The following AKT3 variants were observed in gnomAD, a reference collection of about 807,000 sequenced individuals.
AKT3 encodes the protein RAC-gamma serine/threonine-protein kinase.
In AKT3, 15 loss-of-function variants were observed where a neutral mutation model predicts 65.3. That is an observed-to-expected ratio of 0.23 (90% confidence interval 0.15 to 0.35). The LOEUF (loss-of-function observed/expected upper bound fraction) is 0.35. Among genes scored for constraint, AKT3 ranks in the 10% least tolerant of loss-of-function variants. The pLI, the probability that AKT3 is intolerant of heterozygous loss-of-function variation, is 1.00. For synonymous variants in AKT3, 206 were observed against 183.8 expected, an observed-to-expected ratio of 1.12 and a Z score of -0.98; for missense variants, 243 against 576.5, an observed-to-expected ratio of 0.42 and a Z score of 5.92.
chr1:243,737,949 A>G (rs1047051223), intron 2 of AKT3, among the ~76,000 whole-genome samples: 1 of 152,190 alleles, frequency 6.6e-6, no homozygotes, highest in Non-Finnish European at 1.5e-5. Context: ...TTTTAAAGTA[A>G]TATAGGATGG....
chr1:243,668,392 G>T (rs560591708), intron 3 of AKT3, among the ~76,000 whole-genome samples: 3 of 152,272 alleles, frequency 2.0e-5, no homozygotes, highest in Non-Finnish European at 1.5e-5. Flanking sequence ...GCAATTAGGA[G>T]TACAGAAGCA....
At chr1:243,622,268 G>C (rs560118099) in intron 6 of AKT3, among the ~76,000 whole-genome samples, 1 of 152,164 alleles carries the variant, frequency 6.6e-6, no homozygotes, top group African/African-American at 2.4e-5. Context: ...CTTGCTTCCT[G>C]ATCTCCTTCA....
At chr1:243,543,262 G>A (rs1306806549) in intron 12 of AKT3, among the ~76,000 whole-genome samples, 1 of 152,146 alleles carries the variant, frequency 6.6e-6, no homozygotes, top group East Asian at 1.9e-4. Context: ...TACTGGTTGG[G>A]CTCTCAGAGC....
At chr1:243,579,275 T>A (rs1675165667) in intron 8 of AKT3, among the ~76,000 whole-genome samples, 1 of 152,126 alleles carries the variant, frequency 6.6e-6, no homozygotes. Context: ...ATGGGAATCA[T>A]TCATAGAAAG....
At chr1:243,642,567 C>G (rs1470927503) in intron 5 of AKT3, among the ~76,000 whole-genome samples, 6 of 152,188 alleles carry the variant, frequency 3.9e-5, no homozygotes, top group African/African-American at 1.4e-4. Flanking sequence ...CCTTGGCCTC[C>G]CAAAGTGCTG....
At chr1:243,574,193 A>G (rs1027990922) in intron 8 of AKT3, among the ~76,000 whole-genome samples, 3 of 152,240 alleles carry the variant, frequency 2.0e-5, no homozygotes, top group Non-Finnish European at 2.9e-5. Context: ...TGCATACACC[A>G]AAGTCATTAT....
At chr1:243,748,698 AT>A (rs950396883) in intron 2 of AKT3, among the ~76,000 whole-genome samples, 2 of 152,316 alleles carry the variant, frequency 1.3e-5, no homozygotes, top group African/African-American at 2.4e-5. Context: ...AAGTTTTCAA[AT>A]TTGAGAGGTT....
At chr1:243,589,306 C>CAAAAAAAAAAAAAAAA (rs758254217) in intron 8 of AKT3, among the ~76,000 whole-genome samples, 8 of 40,838 alleles carry the variant, frequency 2.0e-4, no homozygotes, top group Admixed American at 5.8e-4. Context: ...AACTCCATCT[C>CAAAAAAAAAAAAAAAA]AAAAAAAAAA....
rs60834632 is a variant in AKT3, at chr1:243,550,789, C to CAAAAAA, written c.1163+1934_1163+1939dup. Among the ~76,000 whole-genome samples, 169 of 33,674 alleles carry CAAAAAA rather than the reference C, an allele frequency of 5.0e-3. 30 individuals carry two copies. Among genetic ancestry groups the CAAAAAA allele is most frequent in the Non-Finnish European group, 7.1e-3 (141 of 19,848 alleles). The allele number at this position is 33,674 out of a possible 152,430, so 22.1% of individuals were successfully genotyped here. ...TGAAACCCCATCTCTACTAAAATAC[C>CAAAAAA]AAAAAAAAAAAAAAAAAAAAAAAGC... On this transcript the variant is annotated intron_variant, in intron 11 of 13. Coordinates refer to ENST00000673466, the MANE Select transcript of AKT3 (RefSeq NM_005465.7).
At chr1:243,737,540 G>C (rs1374308748) in intron 2 of AKT3, among the ~76,000 whole-genome samples, 1 of 152,038 alleles carries the variant, frequency 6.6e-6, no homozygotes, top group Non-Finnish European at 1.5e-5. Context: ...TGAAGAAGTA[G>C]AAAGCAAAAG....
At chr1:243,740,420 G>C (rs1688081137) in intron 2 of AKT3, among the ~76,000 whole-genome samples, 1 of 152,074 alleles carries the variant, frequency 6.6e-6, no homozygotes, top group African/African-American at 2.4e-5. Context: ...ATTTTAATCT[G>C]GTGAAAAACT....
intron 8 of AKT3, among the ~76,000 whole-genome samples, chr1:243,578,838 G>A (rs1374926005): frequency 1.3e-5 from 2 of 152,122 alleles, no homozygotes; most frequent in Non-Finnish European, 1.5e-5. Flanking sequence ...AAAAGCTGCA[G>A]ACACAATGAG....
intron 13 of AKT3, among the ~76,000 whole-genome samples, chr1:243,488,741 C>T (rs982751622): frequency 6.6e-6 from 1 of 152,160 alleles, no homozygotes; most frequent in Non-Finnish European, 1.5e-5. Context: ...TTCAAAGCTT[C>T]CTTTTCCTTC....
chr1:243,763,266 T>C (rs1165750886), intron 2 of AKT3, among the ~76,000 whole-genome samples: 1 of 152,100 alleles, frequency 6.6e-6, no homozygotes, highest in South Asian at 2.1e-4. Context: ...CTTTACAGCC[T>C]CAGAATACAT....
At chr1:243,812,425 CTCA>C (rs987331140) in intron 2 of AKT3, among the ~76,000 whole-genome samples, 59 of 152,294 alleles carry the variant, frequency 3.9e-4, no homozygotes, top group African/African-American at 1.4e-3. Context: ...TGAAAAAATG[CTCA>C]TCATCACTGG....
chr1:243,755,580 A>G (rs962398115), intron 2 of AKT3, among the ~76,000 whole-genome samples: 3 of 152,200 alleles, frequency 2.0e-5, no homozygotes, highest in African/African-American at 7.2e-5. Context: ...CATGTTCTCT[A>G]TGTTACAGAA....
At chr1:243,678,110 T>C (rs920778674) in intron 3 of AKT3, among the ~76,000 whole-genome samples, 4 of 151,886 alleles carry the variant, frequency 2.6e-5, no homozygotes, top group African/African-American at 9.7e-5. Context: ...AAAAGTCAAA[T>C]ATAGAGATAG....
intron 4 of AKT3, among the ~76,000 whole-genome samples, chr1:243,660,945 C>A (rs1211922426): frequency 6.6e-6 from 1 of 152,192 alleles, no homozygotes; most frequent in Non-Finnish European, 1.5e-5. Flanking sequence ...CATGAGTGAA[C>A]TCCCATTCAC....
chr1:243,671,484 T>C (rs1683155494), intron 3 of AKT3, among the ~76,000 whole-genome samples: 1 of 152,208 alleles, frequency 6.6e-6, no homozygotes, highest in African/African-American at 2.4e-5. Context: ...TGATACACCA[T>C]GGAGGTTCTC....
Sources: gnomAD v4.1 joint callset for allele counts (sites outside exome capture counted in the v4.1 genomes callset) on GRCh38, gnomAD v4.1.1 for gene constraint, MANE v1.5 for transcripts, NCBI Gene and HGNC (gene_info 2026-07-23, HGNC 2026-07-21) for gene names.